The following DEK variants were observed in gnomAD, a reference collection of about 807,000 sequenced individuals.
DEK encodes protein DEK.
DEK carries 28 observed loss-of-function variants against 46.8 expected under a neutral mutation model. That is an observed-to-expected ratio of 0.60 (90% CI 0.44 to 0.82). The LOEUF is 0.82. Among genes scored for constraint, DEK ranks in the 40% least tolerant of loss-of-function variants. The pLI is 0.00. For synonymous variants in DEK, 160 were observed against 144.5 expected (o/e 1.11, Z -0.77); for missense variants, 416 against 430.6 (o/e 0.97, Z 0.30).
intron 7 of DEK, among the ~76,000 whole-genome samples, chr6:18,246,838 A>G (rs1261508623): frequency 6.6e-6 from 1 of 152,226 alleles, no homozygotes; most frequent in African/African-American, 2.4e-5. Context: ...CCAAATTCAC[A>G]GTTATTTACT....
intron 9 of DEK, among the ~76,000 whole-genome samples, chr6:18,227,733 A>C (rs892033274): frequency 3.9e-5 from 6 of 152,236 alleles, no homozygotes; most frequent in African/African-American, 1.4e-4. Flanking sequence ...AAAAAACCCC[A>C]ACAAACATGG....
chr6:18,255,153 A>G (rs941709481), intron 6 of DEK, among the ~76,000 whole-genome samples: 3 of 152,242 alleles, frequency 2.0e-5, no homozygotes, highest in African/African-American at 4.8e-5. Context: ...ATTCGTTACC[A>G]TTAAATAATT....
intron 7 of DEK, chr6:18,244,655 T>C: frequency 1.1e-6 from 1 of 950,596 alleles, no homozygotes; most frequent in Admixed American, 2.8e-5. Context: ...CACTATTCTT[T>C]CAACAATTTG....
chr6:18,234,669 A>C (rs1422782503), intron 9 of DEK, among the ~76,000 whole-genome samples: 1 of 152,060 alleles, frequency 6.6e-6, no homozygotes, highest in African/African-American at 2.4e-5. Context: ...TTTCCCCTCC[A>C]GTTGTATCTG....
intron 7 of DEK, among the ~76,000 whole-genome samples, chr6:18,242,732 T>C (rs1388482766): frequency 1.3e-5 from 2 of 152,164 alleles, no homozygotes; most frequent in African/African-American, 4.8e-5. Context: ...AGCCCAGAAG[T>C]AGTAATGTTG....
intron 7 of DEK, among the ~76,000 whole-genome samples, chr6:18,240,540 G>A (rs1790852982): frequency 6.6e-6 from 1 of 152,172 alleles, no homozygotes; most frequent in African/African-American, 2.4e-5. Context: ...AGTATTTTTG[G>A]TAGTACCTGG....
chr6:18,232,860 T>C (rs1229269925), intron 9 of DEK, among the ~76,000 whole-genome samples: 1 of 152,130 alleles, frequency 6.6e-6, no homozygotes, highest in Non-Finnish European at 1.5e-5. Flanking sequence ...CTAAAGTTCA[T>C]ATGGAATCAA....
chr6:18,263,791 CA>C, intron 2 of DEK, 51 bp downstream of exon 2: 1 of 1,610,060 alleles, frequency 6.2e-7, no homozygotes, highest in South Asian at 1.1e-5. Context: ...GTGAAAAATA[CA>C]AAAAAACTTC....
At chr6:18,264,028 T>C in intron 1 of DEK, 32 bp from the exon 2 acceptor site, 1 of 1,562,390 alleles carries the variant, frequency 6.4e-7, no homozygotes, top group African/African-American at 1.4e-5. Context: ...GACGTCTCGG[T>C]CCTCCTACTC....
intron 7 of DEK, among the ~76,000 whole-genome samples, chr6:18,247,407 T>C (rs1001246414): frequency 2.6e-5 from 4 of 152,230 alleles, no homozygotes; most frequent in African/African-American, 7.2e-5. Context: ...TGTGATTTCA[T>C]ACACCTAATG....
At chr6:18,249,948 T>A in intron 6 of DEK, 109 bp from the exon 7 acceptor site, 1 of 1,421,048 alleles carries the variant, frequency 7.0e-7, no homozygotes, top group Non-Finnish European at 9.2e-7. Flanking sequence ...AGAAATTGTA[T>A]TTACAAGCCC....
intron 7 of DEK, among the ~76,000 whole-genome samples, chr6:18,238,203 C>T (rs1790748501): frequency 6.6e-6 from 1 of 151,984 alleles, no homozygotes; most frequent in African/African-American, 2.4e-5. Context: ...TCCCTAACTC[C>T]TAAAATAGTC....
In DEK at chr6:18,225,623, G is replaced by T; in HGVS notation, c.*96C>A. The stretch of plus-strand genomic sequence containing the variant: ...AAGTTCTACTAACGTTGCTTAACAA[G>T]GATTTAGAAAAGGAAATACATTCTC... On this transcript the variant is annotated 3_prime_UTR_variant, in exon 11 of 11. Transcript: ENST00000652689. The T allele has an allele frequency of 5.7e-6, 8 of 1,408,654 alleles. No homozygotes were observed. The highest frequency in any genetic ancestry group is 6.8e-6 in the Non-Finnish European group (7 of 1,031,394). 87.3% of individuals were successfully genotyped at this position (1,408,654 alleles called of 1,614,324 possible).
At chr6:18,232,762 A>G (rs1055229072) in intron 9 of DEK, among the ~76,000 whole-genome samples, 6 of 152,250 alleles carry the variant, frequency 3.9e-5, no homozygotes, top group South Asian at 2.1e-4. Context: ...GGAAGAATCA[A>G]TATCTTGAAA....
chr6:18,239,975 T>G (rs929433509), intron 7 of DEK, among the ~76,000 whole-genome samples: 1 of 152,198 alleles, frequency 6.6e-6, no homozygotes, highest in African/African-American at 2.4e-5. Flanking sequence ...AGTAAGTTAT[T>G]ACTGAAAGGG....
intron 9 of DEK, among the ~76,000 whole-genome samples, chr6:18,228,329 T>A (rs1041407092): frequency 6.6e-6 from 1 of 152,114 alleles, no homozygotes; most frequent in Non-Finnish European, 1.5e-5. Context: ...GCCCACAGGC[T>A]GTAGTATGCC....
chr6:18,242,124 G>A (rs1179811502), intron 7 of DEK, among the ~76,000 whole-genome samples: 4 of 152,196 alleles, frequency 2.6e-5, no homozygotes, highest in Non-Finnish European at 4.4e-5. Flanking sequence ...AGCCATGCAC[G>A]GTGGCTCAAC....
intron 7 of DEK, 146 bp downstream of exon 7, chr6:18,249,505 A>C: frequency 8.2e-7 from 1 of 1,222,890 alleles, no homozygotes; most frequent in Non-Finnish European, 1.1e-6. Flanking sequence ...TTTAAGGAAA[A>C]GAAATGGGTT....
rs765804831 is a variant in DEK at position 18,249,837 on chromosome 6, T to C, written c.576A>G (p.Pro192=). The C allele has an allele frequency of 4.4e-6, 7 of 1,589,644 alleles. No homozygotes were observed. The East Asian group carries it at 1.6e-4, about 36-fold the overall frequency. Residue 192 remains proline, a splice_region_variant and synonymous_variant, in exon 7 of 11, where the codon CCA becomes CCG. Transcript: ENST00000652689. ...TACAAGTTTTTTTAGATTTCGGCAA[T>C]GGCTGCATAAAAATTTATAAAGATA... The part of the protein sequence containing the change: ...FLMHPKPSGK[P]LPKSKKTCSK...
Sources: allele counts gnomAD v4.1 joint callset (sites outside exome capture counted in the v4.1 genomes callset), GRCh38; gene constraint gnomAD v4.1.1; transcripts MANE v1.5; gene names NCBI Gene and HGNC (gene_info 2026-07-23, HGNC 2026-07-21).